ARHGAP39: variants seen among roughly 807,000 people sequenced by gnomAD.
ARHGAP39 encodes the protein rho GTPase-activating protein 39.
Under a neutral mutation model 106.9 loss-of-function variants are expected in ARHGAP39, and 44 were observed. The ratio of observed to expected loss-of-function variants is 0.41; its 90% CI spans 0.32 to 0.53. The LOEUF (loss-of-function observed/expected upper bound fraction) is 0.53, where lower values mean the gene tolerates loss of function less well. ARHGAP39 is among the 20% of genes least tolerant of loss of function. The pLI, the probability that ARHGAP39 is intolerant of heterozygous loss-of-function variation, is 0.21. For synonymous variants in ARHGAP39, 768 were observed against 693.2 expected (o/e 1.11, Z -1.69); for missense variants, 1,496 against 1,577.3 (o/e 0.95, Z 0.87).
chr8:144,580,775 C>T, intron 3 of ARHGAP39, 71 bp downstream of exon 3: 1 of 890,166 alleles, frequency 1.1e-6, no homozygotes, highest in East Asian at 3.3e-5. Flanking sequence ...CCACCACCCC[C>T]TACCTGCCTC....
chr8:144,672,926 C>T (rs1822134994), intron 1 of ARHGAP39, among the ~76,000 whole-genome samples: 1 of 152,138 alleles, frequency 6.6e-6, no homozygotes, highest in Non-Finnish European at 1.5e-5. Flanking sequence ...AAATTTGACG[C>T]TGATCAGGGG....
At chr8:144,650,726 A>G (rs1465355163) in intron 1 of ARHGAP39, among the ~76,000 whole-genome samples, 1 of 152,212 alleles carries the variant, frequency 6.6e-6, no homozygotes, top group Admixed American at 6.5e-5. Flanking sequence ...AAAAACTCTC[A>G]ATAAACCAAG....
chr8:144,660,863 A>G (rs143764610), intron 1 of ARHGAP39, among the ~76,000 whole-genome samples: 167 of 152,258 alleles, frequency 1.1e-3, no homozygotes, highest in African/African-American at 3.5e-3. Context: ...GTCCATCTGT[A>G]GTCCCAGCTA....
At chr8:144,691,871 A>G in the ARHGAP39 span, among the ~76,000 whole-genome samples, 2,329 of 151,716 alleles carry the variant, frequency 0.015, 56 homozygotes, top group African/African-American at 0.054. Flanking sequence ...GGTGGCGGGG[A>G]GGGGACAAGA....
At chr8:144,607,447 G>GC (rs1820334889) in intron 1 of ARHGAP39, among the ~76,000 whole-genome samples, 2 of 152,114 alleles carry the variant, frequency 1.3e-5, no homozygotes, top group African/African-American at 4.8e-5. Flanking sequence ...GCTTATAGAA[G>GC]CCACAGGGCC....
In ARHGAP39 at chr8:144,670,831, T is replaced by C. The variant is rs553610045; in HGVS notation, c.-82+14855A>G. On this transcript the variant is annotated intron_variant, in intron 1 of 11. Transcript: ENST00000377307. This position sits in a 1 kb window ranked among gnomAD's most constrained non-coding sequence, Gnocchi z 4.4. The stretch of plus-strand genomic sequence containing the variant: ...TGTATCTGTTTCCTGCACTAGACTC[T>C]GAGCTTCAAGAGACAAACGCTTTAC... 1.1e-4 allele frequency among the ~76,000 whole-genome samples: 17 copies of C among 152,302 alleles called. No homozygotes were observed. The East Asian group carries it at 2.7e-3, about 24-fold the overall frequency.
chr8:144,638,452 T>C (rs968903148), intron 1 of ARHGAP39, among the ~76,000 whole-genome samples: 6 of 152,236 alleles, frequency 3.9e-5, no homozygotes, highest in Admixed American at 2.0e-4. Flanking sequence ...CTCTTCTCCA[T>C]TCTATTTTCC....
intron 5 of ARHGAP39, among the ~76,000 whole-genome samples, chr8:144,546,825 G>A (rs1428442662): frequency 6.6e-6 from 1 of 152,184 alleles, no homozygotes; most frequent in East Asian, 1.9e-4. Context: ...GGCTGCTGAG[G>A]CCTTCTCTGT....
At chr8:144,664,900 G>T (rs1338560573) in intron 1 of ARHGAP39, among the ~76,000 whole-genome samples, 1 of 152,178 alleles carries the variant, frequency 6.6e-6, no homozygotes, top group African/African-American at 2.4e-5. Flanking sequence ...TTGCTGAAAA[G>T]ATACCTGAAA....
rs1586634732 is a variant in ARHGAP39 at position 144,645,492 on chromosome 8, C to A, written c.-81-39797G>T. On this transcript the variant is annotated intron_variant, in intron 1 of 11. Transcript: ENST00000377307. This position sits in a 1 kb window ranked among gnomAD's most constrained non-coding sequence, Gnocchi z 4.4. ...CTCTCCCGGCAGAGTCACTGATGGT[C>A]TCCGTCAGGGCAGAGCCTCCCCGCC... Among the ~76,000 whole-genome samples, 1 of 151,946 alleles carries A rather than the reference C, an allele frequency of 6.6e-6. No homozygotes were observed. The highest frequency in any genetic ancestry group is 1.5e-5 in the Non-Finnish European group (1 of 67,960).
At chr8:144,597,828 C>G (rs112245145) in intron 2 of ARHGAP39, among the ~76,000 whole-genome samples, 4,522 of 152,220 alleles carry the variant, frequency 0.03, 221 homozygotes, top group African/African-American at 0.1. Flanking sequence ...GCCACCAGCA[C>G]TGACACAAAG....
chr8:144,600,822 C>T (rs144879940), intron 2 of ARHGAP39, among the ~76,000 whole-genome samples: 1,889 of 148,086 alleles, frequency 0.013, 24 homozygotes, highest in Non-Finnish European at 0.015. Flanking sequence ...CGTGTGTGTG[C>T]GTGGAGGCGT....
chr8:144,652,954 A>G (rs1452027950), intron 1 of ARHGAP39, among the ~76,000 whole-genome samples: 1 of 152,124 alleles, frequency 6.6e-6, no homozygotes, highest in East Asian at 1.9e-4. Flanking sequence ...GAAAAGTCCA[A>G]TTTATCAGGT....
intron 1 of ARHGAP39, among the ~76,000 whole-genome samples, chr8:144,654,494 A>G (rs1257179898): frequency 6.6e-6 from 1 of 151,960 alleles, no homozygotes; most frequent in African/African-American, 2.4e-5. Flanking sequence ...ACAGAACAAG[A>G]CCCTGTCAAA....
At chr8:144,579,456 G>A (rs933291767) in intron 3 of ARHGAP39, among the ~76,000 whole-genome samples, 1 of 151,998 alleles carries the variant, frequency 6.6e-6, no homozygotes, top group African/African-American at 2.4e-5. Context: ...CCCACGCCAC[G>A]CCCGAGCCTC....
At position 144,529,441 on chromosome 8, in the gene ARHGAP39, C is replaced by T. The variant is rs1269023363; in HGVS notation, c.*981G>A. ...AAAATGGAAAATGTACAAACTCGGT[C>T]CCCCAGCAGCTCTGGCCCCGAGAAC... On this transcript the variant is annotated 3_prime_UTR_variant, in exon 12 of 12. Coordinates refer to ENST00000377307, the MANE Select transcript of ARHGAP39 (RefSeq NM_025251.3). 3 of 152,258 alleles carry T rather than the reference C, an allele frequency of 2.0e-5. No individual in the cohort carries two copies. The highest frequency in any genetic ancestry group is 2.9e-5 in the Non-Finnish European group (2 of 68,032). 9.4% of individuals were successfully genotyped at this position (152,258 alleles called of 1,614,324 possible). A position where few individuals can be genotyped will look rare whatever the true frequency, so the allele number is the denominator to read the frequency against.
At chr8:144,696,810 A>G in the ARHGAP39 span, among the ~76,000 whole-genome samples, 1 of 152,174 alleles carries the variant, frequency 6.6e-6, no homozygotes, top group Admixed American at 6.5e-5. Flanking sequence ...CCCATTAAAC[A>G]CTAACTCCCC....
chr8:144,610,293 TTC>T (rs1166227888), intron 1 of ARHGAP39, among the ~76,000 whole-genome samples: 4 of 152,364 alleles, frequency 2.6e-5, no homozygotes, highest in African/African-American at 9.6e-5. Flanking sequence ...TTTTCTATTT[TTC>T]TGTTTTCATT....
Position 144,532,378 on chromosome 8 carries a change from G to A in ARHGAP39, c.2907C>T (p.Asp969=), listed in dbSNP as rs192971226. 2.0e-5 allele frequency: 32 copies of A among 1,607,498 alleles called. No individual in the cohort carries two copies. The highest frequency in any genetic ancestry group is 1.7e-4 in the Middle Eastern group (1 of 6,038). Residue 969 remains aspartate (D), a synonymous_variant, in exon 10 of 12, where the codon GAC becomes GAT. Transcript: ENST00000377307. ...EGIFRVPGDI[D]EVNALKLQVD... is the part of the protein sequence containing the mutation. ...CCTGCAGCTTCAGGGCATTCACCTC[G>A]TCAATGTCCCCAGGGACCCTGCAGG... is the stretch of plus-strand genomic sequence containing the variant.
Sources: gnomAD v4.1 joint callset for allele counts (sites outside exome capture counted in the v4.1 genomes callset) on GRCh38, gnomAD v4.1.1 for gene constraint, Gnocchi (gnomAD v3.1) non-coding constraint, MANE v1.5 for transcripts, NCBI Gene and HGNC (gene_info 2026-07-23, HGNC 2026-07-21) for gene names.